Variants in FAM184B observed in about 807,000 individuals in gnomAD.
FAM184B encodes protein FAM184B.
A neutral mutation model predicts 135.9 loss-of-function variants in FAM184B; 111 were observed. The ratio of observed to expected loss-of-function variants is 0.82; its 90% CI spans 0.70 to 0.96. FAM184B has a LOEUF of 0.96. FAM184B is among the 40% of genes least tolerant of loss of function. The pLI, the probability that FAM184B is intolerant of heterozygous loss-of-function variation, is 0.00. For synonymous variants in FAM184B, 552 were observed against 524.8 expected, an observed-to-expected ratio of 1.05 and a Z score of -0.71; for missense variants, 1,375 against 1,323.9, an observed-to-expected ratio of 1.04 and a Z score of -0.60.
rs1207627448 is a variant in FAM184B at position 17,632,521 on chromosome 4, C to T, written c.*11G>A. ...TTCAAGTATCCTCTGTGATGTATCC[C>T]AAAGGTTAGCTTAGAAAGAAAAGTA... On this transcript the variant is annotated 3_prime_UTR_variant, in exon 18 of 18. Coordinates refer to ENST00000265018, the MANE Select transcript of FAM184B (RefSeq NM_015688.2). 4 of 1,543,680 alleles carry T rather than the reference C, an allele frequency of 2.6e-6. No homozygotes were observed. The highest frequency in any genetic ancestry group is 1.8e-6 in the Non-Finnish European group (2 of 1,140,742).
Position 17,705,076 on chromosome 4 carries a change from T to C in FAM184B, c.1301A>G (p.Asp434Gly). 1 of 1,551,770 alleles carries C rather than the reference T, an allele frequency of 6.4e-7. No individual in the cohort carries two copies. The highest frequency in any genetic ancestry group is 8.7e-7 in the Non-Finnish European group (1 of 1,147,012). The change falls in exon 5 of 18, where the codon GAC (aspartate) becomes GGC (glycine). Residue 434 changes from aspartate to glycine, a missense_variant. Physicochemically the swap from Asp to Gly is moderately conservative, Grantham distance 94 (BLOSUM62 -1). Coordinates refer to ENST00000265018, the MANE Select transcript of FAM184B (RefSeq NM_015688.2). ...TTCCACGGTGTGCTTCTTTACCAAGTCTTCTAGTCGCTTCACTAGCTGGTC... is the reference window on the plus strand; with the variant it reads ...TTCCACGGTGTGCTTCTTTACCAAGCCTTCTAGTCGCTTCACTAGCTGGTC... ...LKDQLVKRLEDLVKKHTVEIK... is the reference protein window; with the variant it reads ...LKDQLVKRLEGLVKKHTVEIK...
intron 1 of FAM184B, among the ~76,000 whole-genome samples, chr4:17,731,200 C>T (rs967673094): frequency 9.2e-5 from 14 of 152,176 alleles, no homozygotes; most frequent in African/African-American, 1.4e-4. Flanking sequence ...AAGGAACAAC[C>T]GGTACCAGCC....
chr4:17,748,257 A>G (rs1209982407), intron 1 of FAM184B, among the ~76,000 whole-genome samples: 1 of 151,900 alleles, frequency 6.6e-6, no homozygotes, highest in Non-Finnish European at 1.5e-5. Flanking sequence ...TGCGTGTTAT[A>G]TTCCAGTACA....
intron 7 of FAM184B, among the ~76,000 whole-genome samples, chr4:17,688,038 T>TCA (rs1225623924): frequency 2.6e-5 from 4 of 152,098 alleles, no homozygotes; most frequent in Non-Finnish European, 4.4e-5. Flanking sequence ...GTAAATGAGA[T>TCA]CATGGCTGTG....
intron 12 of FAM184B, among the ~76,000 whole-genome samples, chr4:17,643,791 C>T (rs1350917746): frequency 6.6e-6 from 1 of 152,222 alleles, no homozygotes; most frequent in Non-Finnish European, 1.5e-5. Context: ...GAATCCTCAC[C>T]ACCCACAGGC....
chr4:17,647,252 CTTTT>C (rs3066609), intron 12 of FAM184B, among the ~76,000 whole-genome samples: 52 of 128,898 alleles, frequency 4.0e-4, no homozygotes, highest in Admixed American at 3.2e-4. Context: ...GAGCCCATCC[CTTTT>C]TTTTTTTTTT....
chr4:17,708,663 C>CTA (rs60087211), intron 2 of FAM184B, among the ~76,000 whole-genome samples: 446 of 16,926 alleles, frequency 0.026, 21 homozygotes, highest in Admixed American at 0.033. Flanking sequence ...GGAAACAAAA[C>CTA]TATATATATA....
intron 1 of FAM184B, among the ~76,000 whole-genome samples, chr4:17,749,458 TAAAAG>T (rs999064061): frequency 1.3e-5 from 2 of 151,194 alleles, no homozygotes; most frequent in Non-Finnish European, 3.0e-5. Flanking sequence ...TAGGAAAAAA[TAAAAG>T]AAAACACTAT....
intron 1 of FAM184B, among the ~76,000 whole-genome samples, chr4:17,779,757 CACTCG>C (rs1351938857): frequency 1.2e-4 from 18 of 152,212 alleles, no homozygotes; most frequent in African/African-American, 4.3e-4. Context: ...ACTTCTATAG[CACTCG>C]TAATTGGAAA....
chr4:17,675,071 T>A (rs1473159076), intron 7 of FAM184B, among the ~76,000 whole-genome samples: 2 of 152,234 alleles, frequency 1.3e-5, no homozygotes, highest in Non-Finnish European at 2.9e-5. Flanking sequence ...CAGAAGGTTT[T>A]CAATGGGCTT....
At chr4:17,643,734 A>C (rs975368053) in intron 12 of FAM184B, among the ~76,000 whole-genome samples, 1 of 152,240 alleles carries the variant, frequency 6.6e-6, no homozygotes, top group Non-Finnish European at 1.5e-5. Flanking sequence ...AATCTGGCAC[A>C]CATGATTCCC....
At chr4:17,701,165 C>A (rs1716974301) in intron 5 of FAM184B, among the ~76,000 whole-genome samples, 1 of 152,172 alleles carries the variant, frequency 6.6e-6, no homozygotes, top group Non-Finnish European at 1.5e-5. Flanking sequence ...GAAGACATGG[C>A]TGATTCCTGT....
intron 11 of FAM184B, among the ~76,000 whole-genome samples, chr4:17,650,291 G>T (rs1221379197): frequency 6.7e-6 from 1 of 149,220 alleles, no homozygotes; most frequent in Non-Finnish European, 1.5e-5. Flanking sequence ...CAGGTCAGTT[G>T]TGTCTCACAC....
intron 11 of FAM184B, among the ~76,000 whole-genome samples, chr4:17,648,422 C>T (rs954757830): frequency 3.9e-5 from 6 of 151,972 alleles, no homozygotes; most frequent in African/African-American, 1.5e-4. Flanking sequence ...TCTCGGCTCA[C>T]TGCAGCCTCC....
At chr4:17,651,990 A>C (rs1715630306) in intron 11 of FAM184B, among the ~76,000 whole-genome samples, 1 of 152,190 alleles carries the variant, frequency 6.6e-6, no homozygotes, top group Non-Finnish European at 1.5e-5. Context: ...AACAGAAATG[A>C]GAGGTTGAGG....
chr4:17,767,384 A>T (rs1718723940), intron 1 of FAM184B, among the ~76,000 whole-genome samples: 1 of 152,234 alleles, frequency 6.6e-6, no homozygotes, highest in Non-Finnish European at 1.5e-5. Flanking sequence ...TCAATTATAA[A>T]TGGACATGAA....
intron 1 of FAM184B, among the ~76,000 whole-genome samples, chr4:17,735,599 A>AT (rs1046393856): frequency 3.3e-5 from 5 of 151,518 alleles, no homozygotes; most frequent in Non-Finnish European, 5.9e-5. Context: ...TGTCATTGGC[A>AT]TTTTTTTTCA....
At chr4:17,768,815 T>G (rs1438024926) in intron 1 of FAM184B, among the ~76,000 whole-genome samples, 3 of 152,032 alleles carry the variant, frequency 2.0e-5, no homozygotes, top group Non-Finnish European at 4.4e-5. Flanking sequence ...TTTTCTTTTT[T>G]TTTTTTGAGA....
chr4:17,658,995 A>G (rs758688154), intron 9 of FAM184B, among the ~76,000 whole-genome samples: 30 of 152,064 alleles, frequency 2.0e-4, no homozygotes, highest in Non-Finnish European at 3.2e-4. Context: ...CTTTTTCCTG[A>G]GCCATCATTA....
Sources: gnomAD v4.1 joint callset for allele counts (sites outside exome capture counted in the v4.1 genomes callset) on GRCh38, gnomAD v4.1.1 for gene constraint, MANE v1.5 for transcripts, NCBI Gene and HGNC (gene_info 2026-07-23, HGNC 2026-07-21) for gene names.